The following MAST4 variants were observed in gnomAD, a reference collection of about 807,000 sequenced individuals.
MAST4 encodes microtubule-associated serine/threonine-protein kinase 4.
MAST4 carries 89 observed loss-of-function variants against 162.7 expected under a neutral mutation model. That is an observed-to-expected ratio of 0.55 (90% confidence interval 0.46 to 0.65). The LOEUF is 0.65. MAST4 is among the 30% of genes least tolerant of loss of function. The probability of loss-of-function intolerance (pLI) is 0.00; values close to 1 mark genes in which losing one functional copy is unlikely to be tolerated. For missense variants in MAST4, 3,153 were observed against 3,374.0 expected (o/e 0.93, Z 1.62); for synonymous variants, 1,479 against 1,361.1 (o/e 1.09, Z -1.91).
At chr5:66,886,480 G>T (rs770465952) in intron 3 of MAST4, among the ~76,000 whole-genome samples, 13 of 151,936 alleles carry the variant, frequency 8.6e-5, no homozygotes, top group African/African-American at 3.1e-4. Flanking sequence ...TTGTTCTAAC[G>T]TCGATTCTCC....
At chr5:66,606,121 C>A (rs1163438793) in intron 1 of MAST4, among the ~76,000 whole-genome samples, 2 of 151,854 alleles carry the variant, frequency 1.3e-5, no homozygotes, top group Non-Finnish European at 2.9e-5. Context: ...TTTTTTTCTT[C>A]TTCTCTATCT....
At chr5:66,639,079 A>C (rs1745311069) in intron 1 of MAST4, among the ~76,000 whole-genome samples, 1 of 152,142 alleles carries the variant, frequency 6.6e-6, no homozygotes, top group African/African-American at 2.4e-5. Context: ...GATGAATTGT[A>C]TAGAGAGAAG....
chr5:66,860,935 G>A (rs970410678), intron 3 of MAST4, among the ~76,000 whole-genome samples: 1 of 152,136 alleles, frequency 6.6e-6, no homozygotes, highest in Non-Finnish European at 1.5e-5. Context: ...GATGGAGTTG[G>A]GATCCCTGGC....
chr5:66,910,038 A>T (rs1418939457), intron 4 of MAST4, among the ~76,000 whole-genome samples: 1 of 152,158 alleles, frequency 6.6e-6, no homozygotes, highest in African/African-American at 2.4e-5. Context: ...GTATGTCTTT[A>T]TTAGAGCATG....
intron 1 of MAST4, among the ~76,000 whole-genome samples, chr5:66,612,906 C>T (rs2149396426): frequency 6.6e-6 from 1 of 152,208 alleles, no homozygotes; most frequent in South Asian, 2.1e-4. Context: ...CATGTTGCGT[C>T]TTACATATTT....
At chr5:66,906,113 T>C (rs1389896339) in intron 4 of MAST4, among the ~76,000 whole-genome samples, 1 of 152,224 alleles carries the variant, frequency 6.6e-6, no homozygotes, top group Non-Finnish European at 1.5e-5. Context: ...TGTCATGTGA[T>C]GCTACACTAG....
At chr5:66,733,293 C>G (rs1358623250) in intron 1 of MAST4, among the ~76,000 whole-genome samples, 2 of 151,994 alleles carry the variant, frequency 1.3e-5, no homozygotes, top group Non-Finnish European at 2.9e-5. Flanking sequence ...CTCTAACTTT[C>G]TCCGTTTCCC....
intron 10 of MAST4, among the ~76,000 whole-genome samples, chr5:67,108,200 C>A (rs944578549): frequency 8.5e-5 from 13 of 152,142 alleles, no homozygotes; most frequent in Non-Finnish European, 8.8e-5. Flanking sequence ...TATTAAGACA[C>A]AAAATTCTCA....
chr5:67,094,205 G>A, intron 6 of MAST4: 2 of 1,412,162 alleles, frequency 1.4e-6, no homozygotes, highest in Non-Finnish European at 1.9e-6. Context: ...GTAGTTCTGT[G>A]ATTTGTCCAC....
chr5:67,145,863 G>A (rs1771020272), intron 23 of MAST4, among the ~76,000 whole-genome samples: 1 of 152,142 alleles, frequency 6.6e-6, no homozygotes, highest in Non-Finnish European at 1.5e-5. Context: ...GAAATGGATG[G>A]TTGTTTCTTT....
intron 1 of MAST4, among the ~76,000 whole-genome samples, chr5:66,618,000 G>A (rs867992264): frequency 6.1e-5 from 9 of 148,588 alleles, no homozygotes; most frequent in Admixed American, 3.4e-4. Flanking sequence ...CTTTGACATC[G>A]TCTACACTGG....
At chr5:66,889,454 A>G (rs2149939090) in intron 3 of MAST4, among the ~76,000 whole-genome samples, 1 of 152,324 alleles carries the variant, frequency 6.6e-6, no homozygotes, top group East Asian at 1.9e-4. Context: ...TTAAAATTCT[A>G]AATATGTAGC....
At chr5:67,068,224 C>T (rs1760476094) in intron 5 of MAST4, among the ~76,000 whole-genome samples, 1 of 152,132 alleles carries the variant, frequency 6.6e-6, no homozygotes, top group Admixed American at 6.6e-5. Context: ...TTTCATCTGT[C>T]CTATTCTGTT....
chr5:66,884,167 CA>C (rs1459140939), intron 3 of MAST4, among the ~76,000 whole-genome samples: 1 of 152,086 alleles, frequency 6.6e-6, no homozygotes, highest in African/African-American at 2.4e-5. Context: ...TATGTTTTCC[CA>C]AAAAGTGTTT....
intron 5 of MAST4, among the ~76,000 whole-genome samples, chr5:67,071,870 A>G (rs1761041886): frequency 6.6e-6 from 1 of 152,218 alleles, no homozygotes; most frequent in Admixed American, 6.5e-5. Flanking sequence ...AAAGTTTAAA[A>G]AGATACTTTA....
chr5:66,928,014 A>C (rs1561453319), intron 4 of MAST4, among the ~76,000 whole-genome samples: 1 of 152,108 alleles, frequency 6.6e-6, no homozygotes, highest in Non-Finnish European at 1.5e-5. Flanking sequence ...TCCCTGTGTC[A>C]AAATTCCACT....
intron 3 of MAST4, among the ~76,000 whole-genome samples, chr5:66,819,735 A>G (rs1282190067): frequency 6.7e-6 from 1 of 148,394 alleles, no homozygotes; most frequent in African/African-American, 2.5e-5. Context: ...GCTAGGCAAC[A>G]GTGCATTTAA....
At position 67,168,305 on chromosome 5, in the gene MAST4, C is replaced by T. The variant is rs1774270284; in HGVS notation, c.*1254C>T. 1 of 152,076 alleles carries T rather than the reference C, an allele frequency of 6.6e-6. No homozygotes were observed. The highest frequency in any genetic ancestry group is 2.4e-5 in the African/African-American group (1 of 41,388). The allele number at this position is 152,076 out of a possible 1,614,324, so 9.4% of individuals were successfully genotyped here. ...CTGCATCTAGTAGCTCCACACATTT[C>T]ATAACCTGATCTCTTTATTTGTATG... On this transcript the variant is annotated 3_prime_UTR_variant, in exon 29 of 29. Transcript: ENST00000403625.
intron 1 of MAST4, among the ~76,000 whole-genome samples, chr5:66,609,705 GTTTTTTTTTT>G (rs77135146): frequency 9.4e-6 from 1 of 106,748 alleles, no homozygotes; most frequent in African/African-American, 3.0e-5. Context: ...TTTTTTTTTT[GTTTTTTTTTT>G]TTTGTTTTGT....
Sources: gnomAD v4.1 joint callset for allele counts (sites outside exome capture counted in the v4.1 genomes callset) on GRCh38, gnomAD v4.1.1 for gene constraint, MANE v1.5 for transcripts, NCBI Gene and HGNC (gene_info 2026-07-23, HGNC 2026-07-21) for gene names.